PAQR9: variants seen among roughly 807,000 people sequenced by gnomAD.
PAQR9 encodes the protein membrane progestin receptor epsilon.
PAQR9 carries 12 observed loss-of-function variants against 24.0 expected under a neutral mutation model. That is an observed-to-expected ratio of 0.50 (90% CI 0.32 to 0.81). The LOEUF (loss-of-function observed/expected upper bound fraction) is 0.81, where lower values mean the gene tolerates loss of function less well. Among genes scored for constraint, PAQR9 ranks in the 30% least tolerant of loss-of-function variants. The pLI, the probability that PAQR9 is intolerant of heterozygous loss-of-function variation, is 0.03. For synonymous variants in PAQR9, 266 were observed against 237.6 expected, an observed-to-expected ratio of 1.12 and a Z score of -1.10; for missense variants, 418 against 520.8, an observed-to-expected ratio of 0.80 and a Z score of 1.92.
At position 142,963,229 on chromosome 3, in the gene PAQR9, G is replaced by C. The variant is rs941046772; in HGVS notation, c.108C>G (p.Asp36Glu). 1.3e-6 allele frequency: 2 copies of C among 1,550,920 alleles called. No individual in the cohort carries two copies. Among genetic ancestry groups the C allele is most frequent in the Middle Eastern group, 3.4e-4 (2 of 5,958 alleles). The change falls in exon 1 of 1, where the codon GAC (aspartate) becomes GAG (glutamate). Residue 36 changes from aspartate to glutamate, a missense_variant. Around this residue, in one of 3 missense-constraint regions of PAQR9, gnomAD observed 180 missense variants for 190.3 expected, o/e 0.95. Coordinates refer to ENST00000340634, the MANE Select transcript of PAQR9 (RefSeq NM_198504.4). ...GCAGCGGCTTGGCAGACGCTGGGGG[G>C]TCCCGGGAGGCGGCAGAGTGGGAGT... is the stretch of plus-strand genomic sequence containing the variant. ...ARNSHSAASR[D>E]PPASAKPLLR...
At position 142,954,999 on chromosome 3, in the gene PAQR9, TG is replaced by T. The variant is rs1349359989; in HGVS notation, c.*7203del. Among the ~76,000 whole-genome samples the T allele has an allele frequency of 6.6e-6, 1 of 152,090 alleles. No individual in the cohort carries two copies. The highest frequency in any genetic ancestry group is 1.5e-5 in the Non-Finnish European group (1 of 68,004). On this transcript the variant is annotated 3_prime_UTR_variant, in exon 1 of 1. Coordinates refer to ENST00000340634, the MANE Select transcript of PAQR9 (RefSeq NM_198504.4). Reference sequence around the variant, plus strand: ...TAAAAAGAATGAATCTGGCAAGCAATGGGAAAAATTTCTTTGTGCGCGCATC... The same window carrying T: ...TAAAAAGAATGAATCTGGCAAGCAATGGAAAAATTTCTTTGTGCGCGCATC...
Position 142,960,637 on chromosome 3 carries a change from G to A in PAQR9, c.*1566C>T, listed in dbSNP as rs1467499694. 1 of 152,226 alleles carries A rather than the reference G, an allele frequency of 6.6e-6. No individual in the cohort carries two copies. The highest frequency in any genetic ancestry group is 1.5e-5 in the Non-Finnish European group (1 of 68,038). 9.4% of individuals were successfully genotyped at this position (152,226 alleles called of 1,614,324 possible). A position where few individuals can be genotyped will look rare whatever the true frequency, so the allele number is the denominator to read the frequency against. ...ACAAAATGACCTACCAGGAAGTGTG[G>A]TAAGTATTTAAACAAGTCATCTCAG... On this transcript the variant is annotated 3_prime_UTR_variant, in exon 1 of 1. Transcript: ENST00000340634.
rs1217806705 is a variant in PAQR9 at position 142,958,714 on chromosome 3, G to A, written c.*3489C>T. Among the ~76,000 whole-genome samples, 1 of 152,170 alleles carries A rather than the reference G, an allele frequency of 6.6e-6. No individual in the cohort carries two copies. The highest frequency in any genetic ancestry group is 6.5e-5 in the Admixed American group (1 of 15,270). On this transcript the variant is annotated 3_prime_UTR_variant, in exon 1 of 1. Transcript: ENST00000340634. Reference sequence around the variant, plus strand: ...GCACTTACAAGCTGGATTTATGAATGGAAACATATGAAGGCCACTCTGTCC... The same window carrying A: ...GCACTTACAAGCTGGATTTATGAATAGAAACATATGAAGGCCACTCTGTCC...
Position 142,962,047 on chromosome 3 carries a change from G to A in PAQR9, c.*156C>T. 2 of 887,042 alleles carry A rather than the reference G, an allele frequency of 2.3e-6. No individual in the cohort carries two copies. The highest frequency in any genetic ancestry group is 3.5e-6 in the Non-Finnish European group (2 of 578,852). The allele number at this position is 887,042 out of a possible 1,614,324, so 54.9% of individuals were successfully genotyped here. Reference sequence around the variant, plus strand: ...TACTTCAAAGCCTCCAGTGGGTTGGGATCCCTTTGTAGCAGTGAACTTTTT... The same window carrying A: ...TACTTCAAAGCCTCCAGTGGGTTGGAATCCCTTTGTAGCAGTGAACTTTTT... On this transcript the variant is annotated 3_prime_UTR_variant, in exon 1 of 1. Transcript: ENST00000340634.
At chr3:142,951,160 G>A (rs937040465), downstream of PAQR9, among the ~76,000 whole-genome samples, 9 of 152,064 alleles carry the variant, frequency 5.9e-5, no homozygotes, top group Non-Finnish European at 7.4e-5. Flanking sequence ...CAAGTGACCC[G>A]CCTGCTTGGC....
chr3:142,954,817 G>T lies in PAQR9; in HGVS notation c.*7386C>A, dbSNP rs897244640. On this transcript the variant is annotated 3_prime_UTR_variant, in exon 1 of 1. Coordinates refer to ENST00000340634, the MANE Select transcript of PAQR9 (RefSeq NM_198504.4). ...ATAGATTATTTTATCACATAATGGA[G>T]AATTAAGATTAAGTAACGCTTTTCT... Among the ~76,000 whole-genome samples the T allele has an allele frequency of 1.2e-4, 18 of 152,086 alleles. No individual in the cohort carries two copies. The highest frequency in any genetic ancestry group is 2.2e-4 in the Non-Finnish European group (15 of 68,016).
chr3:142,959,723 G>A lies in PAQR9; in HGVS notation c.*2480C>T, dbSNP rs1347192356. ...AGACAAAGGACAAGAAGAGAATTCT[G>A]TCTGTGGACCTGGAAGAACAACAAA... On this transcript the variant is annotated 3_prime_UTR_variant, in exon 1 of 1. Coordinates refer to ENST00000340634, the MANE Select transcript of PAQR9 (RefSeq NM_198504.4). Among the ~76,000 whole-genome samples, 3 of 152,190 alleles carry A rather than the reference G, an allele frequency of 2.0e-5. No individual in the cohort carries two copies. The highest frequency in any genetic ancestry group is 4.4e-5 in the Non-Finnish European group (3 of 68,044).
In PAQR9 at chr3:142,957,572, TG is replaced by T. The variant is rs1345007631; in HGVS notation, c.*4630del. Reference sequence around the variant, plus strand: ...TACCTTCTTATGTATGTGATTGGTTTGTTTGTTTGTTTTATTACACTATAAA... The same window carrying T: ...TACCTTCTTATGTATGTGATTGGTTTTTTGTTTGTTTTATTACACTATAAA... On this transcript the variant is annotated 3_prime_UTR_variant, in exon 1 of 1. Transcript: ENST00000340634. 6.7e-6 allele frequency among the ~76,000 whole-genome samples: 1 copy of T among 150,322 alleles called. No individual in the cohort carries two copies. The highest frequency in any genetic ancestry group is 1.5e-5 in the Non-Finnish European group (1 of 67,972).
chr3:142,963,529 T>G lies in PAQR9; in HGVS notation c.-193A>C. On this transcript the variant is annotated 5_prime_UTR_variant, in exon 1 of 1. Transcript: ENST00000340634. ...ATAAATCAATAAGAGAATCAATTAA[T>G]AGGCAGCGCTGCGACCGCCAGGAGC... is the stretch of plus-strand genomic sequence containing the variant. 1.0e-6 allele frequency: 1 copy of G among 997,626 alleles called. No individual in the cohort carries two copies. 61.8% of individuals were successfully genotyped at this position (997,626 alleles called of 1,614,324 possible).
downstream of PAQR9, among the ~76,000 whole-genome samples, chr3:142,951,969 G>C (rs1160468454): frequency 2.0e-5 from 3 of 151,102 alleles, no homozygotes; most frequent in African/African-American, 7.3e-5. Flanking sequence ...GAATGCAGTG[G>C]GTAAAGGAGT....
In PAQR9 at chr3:142,957,490, T is replaced by A. The variant is rs1256424821; in HGVS notation, c.*4713A>T. Among the ~76,000 whole-genome samples the A allele has an allele frequency of 6.6e-6, 1 of 152,210 alleles. No individual in the cohort carries two copies. Among genetic ancestry groups the A allele is most frequent in the Non-Finnish European group, 1.5e-5 (1 of 68,038 alleles). ...TGTTTCATAAGTTACAACACAAAGA[T>A]CCTAAAAGGCTAGAGAGCATTAGTT... On this transcript the variant is annotated 3_prime_UTR_variant, in exon 1 of 1. Coordinates refer to ENST00000340634, the MANE Select transcript of PAQR9 (RefSeq NM_198504.4).
In PAQR9 at chr3:142,961,451, C is replaced by T. The variant is rs528914777; in HGVS notation, c.*752G>A. The T allele has an allele frequency of 1.3e-5, 2 of 152,752 alleles. No individual in the cohort carries two copies. Among genetic ancestry groups the T allele is most frequent in the African/African-American group, 4.8e-5 (2 of 41,510 alleles). 9.5% of individuals were successfully genotyped at this position (152,752 alleles called of 1,614,324 possible). On this transcript the variant is annotated 3_prime_UTR_variant, in exon 1 of 1. Transcript: ENST00000340634. ...GGTAGAATTCACAGTTGTATCATGA[C>T]ACACGCCTTCAGAAAACACTGTTTA...
chr3:142,954,340 T>G (rs1249048486), downstream of PAQR9, among the ~76,000 whole-genome samples: 2 of 152,252 alleles, frequency 1.3e-5, no homozygotes, highest in African/African-American at 4.8e-5. Flanking sequence ...TCTTACAAGA[T>G]ATGGCTTCAA....
rs1228440470 is a variant in PAQR9, at chr3:142,962,920, C to T, written c.417G>A (p.Ala139=). The change falls in exon 1 of 1, where the codon GCG becomes GCA. Residue 139 remains alanine, a synonymous_variant. Transcript: ENST00000340634. ...VLLTFAMSCT[A]HVFSCLSLRL... ...GCAGCGACAGGCAGCTGAACACGTG[C>T]GCCGTGCAGCTCATGGCGAAGGTCA... is the stretch of plus-strand genomic sequence containing the variant. 1 of 1,613,722 alleles carries T rather than the reference C, an allele frequency of 6.2e-7. No homozygotes were observed. Among genetic ancestry groups the T allele is most frequent in the Non-Finnish European group, 8.5e-7 (1 of 1,179,994 alleles).
At position 142,955,271 on chromosome 3, in the gene PAQR9, A is replaced by T. The variant is rs532966359; in HGVS notation, c.*6932T>A. 6.0e-4 allele frequency among the ~76,000 whole-genome samples: 91 copies of T among 152,024 alleles called. 1 individual carries two copies. Among genetic ancestry groups the T allele is most frequent in the Middle Eastern group, 3.4e-3 (1 of 294 alleles). On this transcript the variant is annotated 3_prime_UTR_variant, in exon 1 of 1. Transcript: ENST00000340634. ...TAAAACCTTTGTTTGGAAATGGGTGAACCTCATAAGGCAGATGGTTGGAGA... is the reference window on the plus strand; with the variant it reads ...TAAAACCTTTGTTTGGAAATGGGTGTACCTCATAAGGCAGATGGTTGGAGA...
rs575801625 is a variant in PAQR9 at position 142,958,044 on chromosome 3, C to A, written c.*4159G>T. Among the ~76,000 whole-genome samples, 15 of 152,256 alleles carry A rather than the reference C, an allele frequency of 9.9e-5. 1 individual carries two copies. The South Asian group carries it at 2.9e-3, about 30-fold the overall frequency. On this transcript the variant is annotated 3_prime_UTR_variant, in exon 1 of 1. Transcript: ENST00000340634. ...AATGGCTGTAATAATACGGATGGGTCCTTGCCCAATGTCTTACACACAGTA... is the reference window on the plus strand; with the variant it reads ...AATGGCTGTAATAATACGGATGGGTACTTGCCCAATGTCTTACACACAGTA...
rs769366560 is a variant in PAQR9, at chr3:142,962,524, G to T, written c.813C>A (p.Pro271=). Residue 271 remains proline (P), a synonymous_variant, in exon 1 of 1, where the codon CCC becomes CCA. Coordinates refer to ENST00000340634, the MANE Select transcript of PAQR9 (RefSeq NM_198504.4). The part of the protein sequence containing the change: ...SWLFDLRGEN[P]TLFVHFYRRY... ...GGCGGTAGAAGTGCACGAAGAGTGTGGGGTTCTCCCCACGCAGGTCGAAGA... is the reference window on the plus strand; with the variant it reads ...GGCGGTAGAAGTGCACGAAGAGTGTTGGGTTCTCCCCACGCAGGTCGAAGA... 1.9e-6 allele frequency: 3 copies of T among 1,613,412 alleles called. No homozygotes were observed. Among genetic ancestry groups the T allele is most frequent in the Non-Finnish European group, 2.5e-6 (3 of 1,179,748 alleles).
rs1203203881 is a variant in PAQR9, at chr3:142,961,938, T to C, written c.*265A>G. The C allele has an allele frequency of 8.7e-6, 4 of 459,500 alleles. No homozygotes were observed. The highest frequency in any genetic ancestry group is 1.2e-5 in the Non-Finnish European group (3 of 254,622). 28.5% of individuals were successfully genotyped at this position (459,500 alleles called of 1,614,324 possible). A position where few individuals can be genotyped will look rare whatever the true frequency, so the allele number is the denominator to read the frequency against. On this transcript the variant is annotated 3_prime_UTR_variant, in exon 1 of 1. Coordinates refer to ENST00000340634, the MANE Select transcript of PAQR9 (RefSeq NM_198504.4). Reference sequence around the variant, plus strand: ...TCACTGCCTTTGAGAAATCCCTGGATGTCAAAGACATCACCTGAATTTTTT... The same window carrying C: ...TCACTGCCTTTGAGAAATCCCTGGACGTCAAAGACATCACCTGAATTTTTT...
chr3:142,951,541 C>A, downstream of PAQR9: 1 of 365,756 alleles, frequency 2.7e-6, no homozygotes, highest in Non-Finnish European at 5.3e-6. Flanking sequence ...CAATTGCAGA[C>A]AACAGAATCT....
Sources: allele counts gnomAD v4.1 joint callset (sites outside exome capture counted in the v4.1 genomes callset), GRCh38; gene constraint gnomAD v4.1.1; regional missense constraint gnomAD v4.1.1; transcripts MANE v1.5; gene names NCBI Gene and HGNC (gene_info 2026-07-23, HGNC 2026-07-21).